The following RNF168 variants were observed in gnomAD, a reference collection of about 807,000 sequenced individuals.
RNF168 encodes ring finger protein 168.
Under a neutral mutation model 34.9 loss-of-function variants are expected in RNF168, and 34 were observed. The ratio of observed to expected loss-of-function variants is 0.97; its 90% CI spans 0.74 to 1.30. The LOEUF is 1.30. Among genes scored for constraint, RNF168 ranks in the 50% most tolerant of loss-of-function variants. The pLI is 0.00. For synonymous variants in RNF168, 264 were observed against 254.7 expected (o/e 1.04, Z -0.35); for missense variants, 725 against 682.5 (o/e 1.06, Z -0.69).
intron 4 of RNF168, among the ~76,000 whole-genome samples, chr3:196,482,424 T>A (rs1022138646): frequency 6.6e-6 from 1 of 152,228 alleles, no homozygotes; most frequent in Non-Finnish European, 1.5e-5. Flanking sequence ...TACAAGTATT[T>A]GTTTGAATAC....
Position 196,475,302 on chromosome 3 carries a change from G to A in RNF168, c.691C>T (p.Pro231Ser). 1 of 1,605,612 alleles carries A rather than the reference G, an allele frequency of 6.2e-7. No individual in the cohort carries two copies. Among genetic ancestry groups the A allele is most frequent in the Non-Finnish European group, 8.5e-7 (1 of 1,172,322 alleles). Residue 231 changes from proline (P) to serine (S), a missense_variant, in exon 5 of 6, where the codon CCG becomes TCG. Coordinates refer to ENST00000318037, the MANE Select transcript of RNF168 (RefSeq NM_152617.4). ...GAGGCTGACCCAAACTGAGATTTCG[G>A]TGTCAAATACCTAAAAGAAAAGTTT... ...NTGDIQKYLT[P>S]KSQFGSASHS...
At chr3:196,501,231 TAGACA>T (rs1560278355) in intron 1 of RNF168, among the ~76,000 whole-genome samples, 1 of 152,102 alleles carries the variant, frequency 6.6e-6, no homozygotes, top group Non-Finnish European at 1.5e-5. Context: ...CGTAGATATA[TAGACA>T]AAAGAACTGA....
intron 4 of RNF168, among the ~76,000 whole-genome samples, chr3:196,482,167 C>T (rs144988016): frequency 4.6e-5 from 7 of 152,090 alleles, no homozygotes; most frequent in African/African-American, 4.8e-5. Flanking sequence ...TAGCCACATA[C>T]CAGTTTTCAT....
chr3:196,501,095 T>C (rs1732874882), intron 1 of RNF168, among the ~76,000 whole-genome samples: 1 of 152,168 alleles, frequency 6.6e-6, no homozygotes. Flanking sequence ...GGTGAGGAAG[T>C]GAAGAAACTG....
Position 196,503,620 on chromosome 3 carries a change from C to T in RNF168, c.-447G>A. ...CCGGGCTCCGGCTGCAGCATAACTTCCGCTTTACCGCTGCTGCGGGGGAGA... is the reference window on the plus strand; with the variant it reads ...CCGGGCTCCGGCTGCAGCATAACTTTCGCTTTACCGCTGCTGCGGGGGAGA... On this transcript the variant is annotated 5_prime_UTR_variant, in exon 1 of 6. Transcript: ENST00000318037. 1 of 229,054 alleles carries T rather than the reference C, an allele frequency of 4.4e-6. No homozygotes were observed. Among genetic ancestry groups the T allele is most frequent in the South Asian group, 4.9e-5 (1 of 20,474 alleles). 14.2% of individuals were successfully genotyped at this position (229,054 alleles called of 1,614,324 possible).
At chr3:196,475,123 T>C in intron 5 of RNF168, 108 bp downstream of exon 5, 1 of 729,622 alleles carries the variant, frequency 1.4e-6, no homozygotes, top group South Asian at 1.5e-5. Flanking sequence ...AGACAGGGTG[T>C]TTGATTAACT....
rs955067790 is a variant in RNF168 at position 196,492,379 on chromosome 3, T to G, written c.302-3696A>C. Among the ~76,000 whole-genome samples the G allele has an allele frequency of 3.0e-4, 45 of 151,958 alleles. 1 individual carries two copies. The highest frequency in any genetic ancestry group is 1.1e-3 in the African/African-American group (44 of 41,330). On this transcript the variant is annotated intron_variant, in intron 1 of 5. Coordinates refer to ENST00000318037, the MANE Select transcript of RNF168 (RefSeq NM_152617.4). ...AGTAGCTAATTTAGGAAAACAATAA[T>G]AAGACAGATGTATTATACTAGAAAG...
At chr3:196,500,527 G>C (rs1381057888) in intron 1 of RNF168, among the ~76,000 whole-genome samples, 1 of 152,276 alleles carries the variant, frequency 6.6e-6, no homozygotes, top group African/African-American at 2.4e-5. Context: ...GAGCCTCAAG[G>C]GTGTGGAAAT....
At position 196,471,195 on chromosome 3, in the gene RNF168, CCAAAAAA is replaced by C. The variant is rs1731991820; in HGVS notation, c.*617_*623del. The C allele has an allele frequency of 5.0e-5, 1 of 19,836 alleles. No individual in the cohort carries two copies. The highest frequency in any genetic ancestry group is 9.6e-5 in the African/African-American group (1 of 10,464). The allele number at this position is 19,836 out of a possible 1,614,324, so 1.2% of individuals were successfully genotyped here. On this transcript the variant is annotated 3_prime_UTR_variant, in exon 6 of 6. Coordinates refer to ENST00000318037, the MANE Select transcript of RNF168 (RefSeq NM_152617.4). ...TGCGTGACAGAGCAAGACTCTGTCT[CCAAAAAA>C]AAAAAAAAAAAAAAAAAAAAAAAAA...
In RNF168 at chr3:196,492,395, T is replaced by C. The variant is rs11716706; in HGVS notation, c.302-3712A>G. On this transcript the variant is annotated intron_variant, in intron 1 of 5. Coordinates refer to ENST00000318037, the MANE Select transcript of RNF168 (RefSeq NM_152617.4). ...AAACAATAATAAGACAGATGTATTA[T>C]ACTAGAAAGCAAAACATATCATTAA... Among the ~76,000 whole-genome samples, 540 of 152,222 alleles carry C rather than the reference T, an allele frequency of 3.5e-3. 3 individuals carry two copies. The highest frequency in any genetic ancestry group is 5.4e-3 in the Non-Finnish European group (364 of 68,024).
chr3:196,480,331 G>T (rs531771232), intron 4 of RNF168, among the ~76,000 whole-genome samples: 4 of 152,290 alleles, frequency 2.6e-5, no homozygotes, highest in South Asian at 2.1e-4. Context: ...GAAGGGAAAA[G>T]AAATCATTGG....
intron 1 of RNF168, among the ~76,000 whole-genome samples, chr3:196,500,860 T>C (rs534420798): frequency 0.046 from 6,777 of 145,862 alleles, 243 homozygotes; most frequent in Middle Eastern, 0.15. Context: ...TACAGGCGCG[T>C]GCCAACATGC....
At chr3:196,500,362 A>C (rs1732849012) in intron 1 of RNF168, among the ~76,000 whole-genome samples, 2 of 152,372 alleles carry the variant, frequency 1.3e-5, no homozygotes, top group South Asian at 4.1e-4. Flanking sequence ...AGTATGGATG[A>C]ACCTGGAAAA....
chr3:196,502,054 GAAAAAAAAAAAAAA>G lies in RNF168; in HGVS notation c.301+805_301+818del, dbSNP rs554041803. On this transcript the variant is annotated intron_variant, in intron 1 of 5. Transcript: ENST00000318037. ...ATATAACTGTGACCAAAAAAAATTA[GAAAAAAAAAAAAAA>G]AAAAAAAAAAAAAGACCTGTCCACG... 4.4e-4 allele frequency among the ~76,000 whole-genome samples: 22 copies of G among 50,050 alleles called. 1 individual carries two copies. The highest frequency in any genetic ancestry group is 0.042 in the Middle Eastern group (2 of 48). The allele number at this position is 50,050 out of a possible 152,430, so 32.8% of individuals were successfully genotyped here.
intron 1 of RNF168, 113 bp downstream of exon 1, chr3:196,502,756 TAGAC>T: frequency 4.5e-6 from 4 of 883,900 alleles, no homozygotes; most frequent in Non-Finnish European, 7.4e-6. Context: ...GAGAACTATT[TAGAC>T]AAATACTAGT....
intron 1 of RNF168, among the ~76,000 whole-genome samples, chr3:196,497,567 G>T (rs1459121146): frequency 3.3e-5 from 5 of 152,128 alleles, no homozygotes; most frequent in Non-Finnish European, 7.3e-5. Context: ...CTACTCAGGA[G>T]GCTGAGGGAG....
intron 4 of RNF168, among the ~76,000 whole-genome samples, chr3:196,483,096 A>T (rs1203334035): frequency 3.3e-5 from 5 of 149,772 alleles, no homozygotes; most frequent in Non-Finnish European, 1.5e-5. Context: ...ATATTGTCAC[A>T]TCTTTTTTTT....
At chr3:196,476,975 T>G (rs1732165326) in intron 4 of RNF168, among the ~76,000 whole-genome samples, 1 of 152,060 alleles carries the variant, frequency 6.6e-6, no homozygotes, top group Non-Finnish European at 1.5e-5. Context: ...CTCAATCTCT[T>G]GACCTCAGGT....
intron 1 of RNF168, among the ~76,000 whole-genome samples, chr3:196,494,399 T>G (rs1358447956): frequency 6.6e-6 from 1 of 152,248 alleles, no homozygotes; most frequent in Non-Finnish European, 1.5e-5. Context: ...TATGTCCCCA[T>G]GCTTTTTATT....
Sources: allele counts gnomAD v4.1 joint callset (sites outside exome capture counted in the v4.1 genomes callset), GRCh38; gene constraint gnomAD v4.1.1; transcripts MANE v1.5; gene names NCBI Gene and HGNC (gene_info 2026-07-23, HGNC 2026-07-21).